Variants in CADPS2 observed in about 807,000 individuals in gnomAD.
CADPS2 encodes calcium-dependent secretion activator 2.
Under a neutral mutation model 172.5 loss-of-function variants are expected in CADPS2, and 93 were observed. The observed-to-expected ratio is 0.54, with a 90% CI of 0.46 to 0.64. CADPS2 has a LOEUF of 0.64. Ranked by LOEUF, CADPS2 falls within the 30% of genes least tolerant of loss-of-function variation. The pLI, the probability that CADPS2 is intolerant of heterozygous loss-of-function variation, is 0.00. For synonymous variants in CADPS2, 546 were observed against 555.2 expected (o/e 0.98, Z 0.23); for missense variants, 1,420 against 1,565.9 (o/e 0.91, Z 1.57).
intron 1 of CADPS2, among the ~76,000 whole-genome samples, chr7:122,822,997 G>A (rs1290735750): frequency 6.6e-6 from 1 of 152,138 alleles, no homozygotes; most frequent in Admixed American, 6.5e-5. Flanking sequence ...GGACACGCAT[G>A]AAAATTTTCA....
intron 2 of CADPS2, among the ~76,000 whole-genome samples, chr7:122,726,232 G>A (rs1446045898): frequency 6.6e-6 from 1 of 151,932 alleles, no homozygotes; most frequent in Admixed American, 6.6e-5. Context: ...TATGTTTTAT[G>A]TTGTGTCAAA....
chr7:122,719,568 T>C (rs548099192), intron 2 of CADPS2, among the ~76,000 whole-genome samples: 1 of 152,176 alleles, frequency 6.6e-6, no homozygotes. Context: ...GTTAAGTGTA[T>C]TTAATACTTT....
chr7:122,333,043 T>A (rs1465066638), intron 28 of CADPS2, among the ~76,000 whole-genome samples: 2 of 152,148 alleles, frequency 1.3e-5, no homozygotes, highest in Non-Finnish European at 2.9e-5. Context: ...TTGCCTAATC[T>A]TTTGAGTGAA....
chr7:122,532,030 C>CAAAAAAAA (rs11326243), intron 8 of CADPS2, among the ~76,000 whole-genome samples: 1 of 131,604 alleles, frequency 7.6e-6, no homozygotes, highest in African/African-American at 2.8e-5. Flanking sequence ...GACTCCGTCT[C>CAAAAAAAA]AAAAAAAAAA....
intron 9 of CADPS2, among the ~76,000 whole-genome samples, chr7:122,501,700 C>T (rs1364266830): frequency 1.3e-5 from 2 of 151,242 alleles, no homozygotes. Context: ...GTAGTGAAAC[C>T]CCATCTCTAC....
chr7:122,434,094 T>C (rs11984390), intron 17 of CADPS2, among the ~76,000 whole-genome samples: 10,528 of 152,278 alleles, frequency 0.069, 470 homozygotes, highest in African/African-American at 0.098. Context: ...AAGCTGTTTC[T>C]ACAACAGGAA....
At chr7:122,855,864 T>C (rs78663048) in intron 1 of CADPS2, among the ~76,000 whole-genome samples, 1 of 152,308 alleles carries the variant, frequency 6.6e-6, no homozygotes, top group East Asian at 1.9e-4. Flanking sequence ...TTAACTCTCA[T>C]TCCAAATCCC....
chr7:122,490,667 T>C (rs1214813481), intron 10 of CADPS2, among the ~76,000 whole-genome samples: 2 of 151,904 alleles, frequency 1.3e-5, no homozygotes, highest in African/African-American at 4.8e-5. Flanking sequence ...AAGACAAAAA[T>C]GATATTTCAT....
intron 16 of CADPS2, 107 bp from the exon 17 acceptor site, chr7:122,438,571 A>T: frequency 3.9e-6 from 5 of 1,272,402 alleles, no homozygotes; most frequent in Non-Finnish European, 3.3e-6. Flanking sequence ...AATTACACAA[A>T]TTGTCCTTGA....
chr7:122,814,470 G>A (rs1309896920), intron 1 of CADPS2, among the ~76,000 whole-genome samples: 1 of 151,986 alleles, frequency 6.6e-6, no homozygotes, highest in East Asian at 1.9e-4. Context: ...TGTCCTGAAA[G>A]CTAAGAATAT....
Position 122,839,985 on chromosome 7 carries a change from G to A in CADPS2, c.339+46014C>T, listed in dbSNP as rs563624108. On this transcript the variant is annotated intron_variant, in intron 1 of 29. Coordinates refer to ENST00000449022, the MANE Select transcript of CADPS2 (RefSeq NM_017954.11). ...TCTATAAAGAGACATGCACACATAT[G>A]TTTATTGCGGCACTATTCACAATAG... is the stretch of plus-strand genomic sequence containing the variant. 1.4e-4 allele frequency among the ~76,000 whole-genome samples: 21 copies of A among 152,310 alleles called. No individual in the cohort carries two copies. The South Asian group carries it at 1.7e-3, about 12-fold the overall frequency.
At chr7:122,570,207 C>G (rs1384250705) in intron 7 of CADPS2, among the ~76,000 whole-genome samples, 2 of 151,936 alleles carry the variant, frequency 1.3e-5, no homozygotes, top group Non-Finnish European at 2.9e-5. Context: ...ACAAGCCCAT[C>G]AAAAAGTGGG....
chr7:122,702,608 A>G, intron 2 of CADPS2: 1 of 1,613,578 alleles, frequency 6.2e-7, no homozygotes, highest in South Asian at 1.1e-5. Flanking sequence ...CTCATTTCCA[A>G]CCTGAAATGT....
chr7:122,850,711 G>A (rs747962540), intron 1 of CADPS2, among the ~76,000 whole-genome samples: 1 of 152,212 alleles, frequency 6.6e-6, no homozygotes, highest in Non-Finnish European at 1.5e-5. Flanking sequence ...CTAGAGAGAA[G>A]AGCAGGCTGG....
At chr7:122,432,128 G>C (rs1458167475) in intron 17 of CADPS2, among the ~76,000 whole-genome samples, 1 of 151,896 alleles carries the variant, frequency 6.6e-6, no homozygotes, top group African/African-American at 2.4e-5. Flanking sequence ...TCATTACTTT[G>C]AATCAGTCTT....
In CADPS2 at chr7:122,886,370, G is replaced by A. The variant is rs1404727560; in HGVS notation, c.-33C>T. The A allele has an allele frequency of 1.3e-6, 2 of 1,486,470 alleles. No individual in the cohort carries two copies. Among genetic ancestry groups the A allele is most frequent in the Non-Finnish European group, 1.8e-6 (2 of 1,127,220 alleles). The allele number at this position is 1,486,470 out of a possible 1,614,324, so 92.1% of individuals were successfully genotyped here. A position where few individuals can be genotyped will look rare whatever the true frequency, so the allele number is the denominator to read the frequency against. The stretch of plus-strand genomic sequence containing the variant: ...GGGGATCCCCGCCGCTCGGCCCGCG[G>A]TCCCCAAGCGCCTCACCCCCGGCGG... On this transcript the variant is annotated 5_prime_UTR_variant, in exon 1 of 30. Coordinates refer to ENST00000449022, the MANE Select transcript of CADPS2 (RefSeq NM_017954.11).
At chr7:122,849,696 T>C in intron 1 of CADPS2, 1 of 342,574 alleles carries the variant, frequency 2.9e-6, no homozygotes, top group Admixed American at 4.3e-5. Flanking sequence ...GGTCTTTGCA[T>C]TCAAGGAGCT....
At chr7:122,847,756 T>C (rs1244087779) in intron 1 of CADPS2, among the ~76,000 whole-genome samples, 1 of 152,232 alleles carries the variant, frequency 6.6e-6, no homozygotes, top group Non-Finnish European at 1.5e-5. Flanking sequence ...TACTGGTTAC[T>C]GCTCCGAACT....
chr7:122,554,715 T>G (rs1352530911), intron 7 of CADPS2, 26 bp from the exon 8 acceptor site: 11 of 1,569,808 alleles, frequency 7.0e-6, no homozygotes, highest in Middle Eastern at 1.7e-4. Flanking sequence ...AACCCACATT[T>G]AAACGCATGA....
Sources: allele counts gnomAD v4.1 joint callset (sites outside exome capture counted in the v4.1 genomes callset), GRCh38; gene constraint gnomAD v4.1.1; transcripts MANE v1.5; gene names NCBI Gene and HGNC (gene_info 2026-07-23, HGNC 2026-07-21).